The following NUAK1 variants were observed in gnomAD, a reference collection of about 807,000 sequenced individuals.
The protein encoded by NUAK1 is NUAK family kinase 1, also known as NUAK family SNF1-like kinase 1.
A neutral mutation model predicts 56.9 loss-of-function variants in NUAK1; 26 were observed. That is an observed-to-expected ratio of 0.46 (90% confidence interval 0.33 to 0.63). The LOEUF (loss-of-function observed/expected upper bound fraction) is 0.63. Ranked by LOEUF, NUAK1 falls within the 30% of genes least tolerant of loss-of-function variation. The probability of loss-of-function intolerance (pLI) is 0.02; values close to 1 mark genes in which losing one functional copy is unlikely to be tolerated. For synonymous variants in NUAK1, 337 were observed against 336.0 expected (o/e 1.00, Z -0.03); for missense variants, 727 against 876.1 (o/e 0.83, Z 2.15).
intron 5 of NUAK1, among the ~76,000 whole-genome samples, chr12:106,071,833 G>A (rs1203564873): frequency 1.3e-5 from 2 of 152,100 alleles, no homozygotes; most frequent in African/African-American, 4.8e-5. Flanking sequence ...GCAGTTAATA[G>A]ATGGTCTTGG....
intron 5 of NUAK1, among the ~76,000 whole-genome samples, chr12:106,072,186 G>A (rs1398869678): frequency 7.0e-6 from 1 of 143,860 alleles, no homozygotes; most frequent in Non-Finnish European, 1.5e-5. Context: ...CCCAGAGTGA[G>A]GCAATTTTTT....
chr12:106,085,955 C>T (rs772526471), intron 3 of NUAK1, among the ~76,000 whole-genome samples: 1 of 152,132 alleles, frequency 6.6e-6, no homozygotes, highest in African/African-American at 2.4e-5. Context: ...AATCCTCCCC[C>T]CTCAGCCTCC....
At chr12:106,089,000 A>G (rs547358078) in intron 2 of NUAK1, among the ~76,000 whole-genome samples, 1 of 152,330 alleles carries the variant, frequency 6.6e-6, no homozygotes, top group East Asian at 1.9e-4. Flanking sequence ...TGGCTGCTCC[A>G]GCGTCTGCTG....
Position 106,086,842 on chromosome 12 carries a change from G to A in NUAK1, c.405C>T (p.Ala135=), listed in dbSNP as rs1198904361. Residue 135 remains alanine, a synonymous_variant, in exon 3 of 7, where the codon GCC becomes GCT. Coordinates refer to ENST00000261402, the MANE Select transcript of NUAK1 (RefSeq NM_014840.3). ...KDKIVIIMEY[A]SKGELYDYIS... Reference sequence around the variant, plus strand: ...TGTAATCGTACAGCTCCCCTTTGCTGGCATATTCCATGATGATCACAATCT... The same window carrying A: ...TGTAATCGTACAGCTCCCCTTTGCTAGCATATTCCATGATGATCACAATCT... The A allele has an allele frequency of 8.1e-6, 13 of 1,613,988 alleles. No individual in the cohort carries two copies. The highest frequency in any genetic ancestry group is 1.1e-5 in the Non-Finnish European group (13 of 1,179,992).
intron 1 of NUAK1, among the ~76,000 whole-genome samples, chr12:106,107,287 G>A (rs1371354946): frequency 6.6e-6 from 1 of 152,064 alleles, no homozygotes; most frequent in African/African-American, 2.4e-5. Context: ...GAAACACACC[G>A]AGAAAAAGGC....
chr12:106,126,015 A>G (rs147921988), intron 1 of NUAK1, among the ~76,000 whole-genome samples: 48 of 152,322 alleles, frequency 3.2e-4, no homozygotes, highest in African/African-American at 1.2e-3. Context: ...GAGAGCTTCT[A>G]AGGTTTGCTG....
In NUAK1 at chr12:106,131,811, A is replaced by G. The variant is rs758123245; in HGVS notation, c.240+6603T>C. Reference sequence around the variant, plus strand: ...AGTTTACCGAAGAGTTTCGCTGTAAAGCCAACATCTGGCTGCTCCTGGGCT... The same window carrying G: ...AGTTTACCGAAGAGTTTCGCTGTAAGGCCAACATCTGGCTGCTCCTGGGCT... On this transcript the variant is annotated intron_variant, in intron 1 of 6. Transcript: ENST00000261402. Among the ~76,000 whole-genome samples the G allele has an allele frequency of 1.5e-4, 23 of 152,148 alleles. 1 individual carries two copies. The highest frequency in any genetic ancestry group is 2.6e-4 in the Non-Finnish European group (18 of 68,026).
Position 106,138,567 on chromosome 12 carries a change from C to T in NUAK1, c.87G>A (p.Gly29=). ...TCCTGGGCTCCAGGGCTGCAGTCGC[C>T]CCCGCCACCGCCTCTCGGGGAGAGC... The part of the protein sequence containing the change: ...APGSPREAVA[G]ATAALEPRKP... Residue 29 remains glycine, a synonymous_variant, in exon 1 of 7, where the codon GGG becomes GGA. Coordinates refer to ENST00000261402, the MANE Select transcript of NUAK1 (RefSeq NM_014840.3). This position sits in a 1 kb window ranked among gnomAD's most constrained non-coding sequence, Gnocchi z 5.0. 1 of 1,605,448 alleles carries T rather than the reference C, an allele frequency of 6.2e-7. No homozygotes were observed. The highest frequency in any genetic ancestry group is 8.5e-7 in the Non-Finnish European group (1 of 1,178,838).
intron 4 of NUAK1, among the ~76,000 whole-genome samples, chr12:106,078,943 CAAGGT>C (rs1427624707): frequency 6.6e-6 from 1 of 152,172 alleles, no homozygotes; most frequent in African/African-American, 2.4e-5. Flanking sequence ...TGCCTGCAGA[CAAGGT>C]AAGGCTGACC....
intron 1 of NUAK1, among the ~76,000 whole-genome samples, chr12:106,134,750 C>G (rs999951415): frequency 6.6e-6 from 1 of 152,198 alleles, no homozygotes; most frequent in African/African-American, 2.4e-5. Flanking sequence ...CAGAGGCTCA[C>G]CCAGTAGGCC....
chr12:106,105,046 C>T (rs911995417), intron 2 of NUAK1, among the ~76,000 whole-genome samples: 16 of 151,882 alleles, frequency 1.1e-4, no homozygotes, highest in Admixed American at 6.6e-5. Context: ...CTCCGTCTCC[C>T]TAGCTCAAGT....
chr12:106,079,153 C>T (rs768308384), intron 4 of NUAK1, among the ~76,000 whole-genome samples: 7 of 152,316 alleles, frequency 4.6e-5, no homozygotes, highest in Middle Eastern at 3.4e-3. Context: ...ACACCCACCC[C>T]GGTGGAGACA....
chr12:106,079,540 G>C (rs909929190), intron 4 of NUAK1, among the ~76,000 whole-genome samples: 2 of 152,134 alleles, frequency 1.3e-5, no homozygotes, highest in African/African-American at 2.4e-5. Context: ...CAGGCAAAAA[G>C]GAATGAGCAG....
chr12:106,126,841 T>C (rs566824911), intron 1 of NUAK1, among the ~76,000 whole-genome samples: 7 of 152,240 alleles, frequency 4.6e-5, no homozygotes, highest in African/African-American at 1.7e-4. Flanking sequence ...GAAGAATAAG[T>C]GGTGTCCACA....
intron 1 of NUAK1, among the ~76,000 whole-genome samples, chr12:106,115,292 A>C (rs771366792): frequency 6.6e-6 from 1 of 152,256 alleles, no homozygotes; most frequent in East Asian, 1.9e-4. Flanking sequence ...AGCTAAAAAG[A>C]GGCATGACTT....
chr12:106,134,470 T>C (rs923884744), intron 1 of NUAK1, among the ~76,000 whole-genome samples: 1 of 152,184 alleles, frequency 6.6e-6, no homozygotes, highest in African/African-American at 2.4e-5. Context: ...CAGGGCAGAC[T>C]GTGGGGGAGG....
At chr12:106,129,336 C>T (rs576976064) in intron 1 of NUAK1, among the ~76,000 whole-genome samples, 2 of 152,350 alleles carry the variant, frequency 1.3e-5, no homozygotes, top group East Asian at 1.9e-4. Flanking sequence ...TGCTTCTTCC[C>T]GCAATTGTTC....
intron 4 of NUAK1, among the ~76,000 whole-genome samples, chr12:106,080,465 G>A (rs2032505116): frequency 6.6e-6 from 1 of 152,198 alleles, no homozygotes; most frequent in African/African-American, 2.4e-5. Context: ...GCTGTGCTTG[G>A]TGTCTATTTT....
At chr12:106,117,475 C>T (rs2032929168) in intron 1 of NUAK1, among the ~76,000 whole-genome samples, 1 of 152,206 alleles carries the variant, frequency 6.6e-6, no homozygotes, top group Non-Finnish European at 1.5e-5. Flanking sequence ...AGTGTTGCTG[C>T]TGCTTCTCTC....
Sources: gnomAD v4.1 joint callset for allele counts (sites outside exome capture counted in the v4.1 genomes callset) on GRCh38, gnomAD v4.1.1 for gene constraint, Gnocchi (gnomAD v3.1) non-coding constraint, MANE v1.5 for transcripts, NCBI Gene and HGNC (gene_info 2026-07-23, HGNC 2026-07-21) for gene names.